ADCY5: variants seen among roughly 807,000 people sequenced by gnomAD.
The protein encoded by ADCY5 is adenylate cyclase 5.
In ADCY5, 30 loss-of-function variants were observed where a neutral mutation model predicts 119.7. That is an observed-to-expected ratio of 0.25 (90% CI 0.19 to 0.34). The LOEUF (loss-of-function observed/expected upper bound fraction) is 0.34. ADCY5 is among the 10% of genes least tolerant of loss of function. The pLI, the probability that ADCY5 is intolerant of heterozygous loss-of-function variation, is 1.00. For missense variants in ADCY5, 1,324 were observed against 1,775.2 expected, an observed-to-expected ratio of 0.75 and a Z score of 4.57; for synonymous variants, 753 against 762.2, an observed-to-expected ratio of 0.99 and a Z score of 0.20.
chr3:123,291,405 G>A, intron 17 of ADCY5, 29 bp from the exon 18 acceptor site: 1 of 1,591,730 alleles, frequency 6.3e-7, no homozygotes, highest in African/African-American at 1.3e-5. Context: ...AAGTCACCCA[G>A]ATGCCAATGT....
chr3:123,419,663 G>A (rs1252069167), intron 1 of ADCY5, among the ~76,000 whole-genome samples: 1 of 152,120 alleles, frequency 6.6e-6, no homozygotes, highest in Middle Eastern at 3.2e-3. Context: ...AAGACTCTGT[G>A]TACCCGGACA....
intron 14 of ADCY5, 55 bp downstream of exon 14, chr3:123,303,000 G>A (rs1005262819): frequency 6.3e-7 from 1 of 1,587,288 alleles, no homozygotes; most frequent in East Asian, 2.2e-5. Flanking sequence ...CAGTGACAGT[G>A]GGGGAGGGCA....
Position 123,289,840 on chromosome 3 carries a change from T to C in ADCY5, c.3442A>G (p.Ile1148Val), listed in dbSNP as rs759665352. 1.9e-5 allele frequency: 30 copies of C among 1,614,136 alleles called. No homozygotes were observed. Among genetic ancestry groups the C allele is most frequent in the Non-Finnish European group, 2.5e-5 (29 of 1,180,044 alleles). ...STYDKVGKTH[I>V]KALADFAMKL... is the part of the protein sequence containing the mutation. ...ATGGCAAAGTCGGCCAGTGCCTTGA[T>C]GTGGGTCTTGCCCACCTTGTCGTAG... is the stretch of plus-strand genomic sequence containing the variant. Residue 1148 changes from isoleucine (I) to valine (V), a missense_variant, in exon 19 of 21, where the codon ATC becomes GTC. Physicochemically the swap from Ile to Val is conservative, Grantham distance 29. This residue lies in a region of ADCY5 where 178 missense variants were observed against 329.6 expected (regional missense o/e 0.54). Transcript: ENST00000462833.
At chr3:123,345,099 G>A (rs1033565804) in intron 3 of ADCY5, among the ~76,000 whole-genome samples, 1 of 152,220 alleles carries the variant, frequency 6.6e-6, no homozygotes, top group Non-Finnish European at 1.5e-5. Context: ...CTGCCTCCAT[G>A]GGAGAGAGAC....
intron 1 of ADCY5, among the ~76,000 whole-genome samples, chr3:123,359,696 C>T (rs192236442): frequency 6.6e-6 from 1 of 152,298 alleles, no homozygotes; most frequent in African/African-American, 2.4e-5. Flanking sequence ...AACCAGCTCC[C>T]CAAGCTCTGG....
Position 123,332,444 on chromosome 3 carries a change from G to A in ADCY5, c.1518+120C>T, listed in dbSNP as rs1941808751. The A allele has an allele frequency of 9.4e-6, 7 of 742,292 alleles. No homozygotes were observed. In the South Asian group the frequency reaches 1.0e-4, roughly 11 times the overall value. 46.0% of individuals were successfully genotyped at this position (742,292 alleles called of 1,614,324 possible). A position where few individuals can be genotyped will look rare whatever the true frequency, so the allele number is the denominator to read the frequency against. On this transcript the variant is annotated intron_variant, in intron 4 of 20. Transcript: ENST00000462833. ...CCTCTGCCCATCACCAGCAGGCTCT[G>A]CTCAGCAGGATATACCCAGGCACAT...
chr3:123,320,814 CAG>C, intron 8 of ADCY5, 43 bp from the exon 9 acceptor site: 1 of 1,478,716 alleles, frequency 6.8e-7, no homozygotes, highest in Non-Finnish European at 9.4e-7. Context: ...AGAATGAGAA[CAG>C]AGAGAACTGA....
chr3:123,286,880 A>G lies in ADCY5; in HGVS notation c.3533-71T>C, dbSNP rs933145516. On this transcript the variant is annotated intron_variant, in intron 19 of 20. Coordinates refer to ENST00000462833, the MANE Select transcript of ADCY5 (RefSeq NM_183357.3). This position sits in a 1 kb window ranked among gnomAD's most constrained non-coding sequence, Gnocchi z 4.2. ...ACCTTGCCACCATCTGTCTCCCCAC[A>G]TGCTGCAGGTCCTTCTGACTCCCAA... The G allele has an allele frequency of 8.3e-5, 126 of 1,516,328 alleles. No individual in the cohort carries two copies. The African/African-American group carries it at 1.5e-3, about 18-fold the overall frequency. 93.9% of individuals were successfully genotyped at this position (1,516,328 alleles called of 1,614,324 possible).
intron 1 of ADCY5, among the ~76,000 whole-genome samples, chr3:123,366,299 G>C (rs745333862): frequency 1.6e-4 from 24 of 152,292 alleles, no homozygotes; most frequent in Admixed American, 6.5e-4. Flanking sequence ...CAGATCCCAG[G>C]TTACTTGCAG....
rs182012465 is a variant in ADCY5 at position 123,342,185 on chromosome 3, T to G, written c.1406+5597A>C. On this transcript the variant is annotated intron_variant, in intron 3 of 20. Coordinates refer to ENST00000462833, the MANE Select transcript of ADCY5 (RefSeq NM_183357.3). ...GTGGTCTGTTGGCTGAGGGTGTGAG[T>G]GGAAGGTAAACATTTTCCACCCTCT... is the stretch of plus-strand genomic sequence containing the variant. 3.5e-3 allele frequency among the ~76,000 whole-genome samples: 526 copies of G among 152,058 alleles called. 9 individuals carry two copies. Among genetic ancestry groups the G allele is most frequent in the African/African-American group, 0.012 (492 of 41,480 alleles).
At chr3:123,367,749 G>C (rs548817702) in intron 1 of ADCY5, among the ~76,000 whole-genome samples, 1 of 151,878 alleles carries the variant, frequency 6.6e-6, no homozygotes, top group Non-Finnish European at 1.5e-5. Context: ...AGCTTCCCTC[G>C]TGCCTTCCCC....
intron 3 of ADCY5, among the ~76,000 whole-genome samples, chr3:123,345,885 C>T (rs889424654): frequency 6.6e-6 from 1 of 152,188 alleles, no homozygotes; most frequent in South Asian, 2.1e-4. Flanking sequence ...CTTGGACACA[C>T]TCCTTTCTCC....
At chr3:123,294,406 G>A (rs1036358485) in intron 17 of ADCY5, among the ~76,000 whole-genome samples, 1 of 152,232 alleles carries the variant, frequency 6.6e-6, no homozygotes, top group African/African-American at 2.4e-5. Context: ...GGGAAAAGGG[G>A]ACATGACAGT....
rs1339034217 is a variant in ADCY5, at chr3:123,283,160, C to T, written c.*1448G>A. The T allele has an allele frequency of 6.6e-6, 1 of 152,176 alleles. No individual in the cohort carries two copies. Among genetic ancestry groups the T allele is most frequent in the Non-Finnish European group, 1.5e-5 (1 of 68,030 alleles). 9.4% of individuals were successfully genotyped at this position (152,176 alleles called of 1,614,324 possible). On this transcript the variant is annotated 3_prime_UTR_variant, in exon 21 of 21. Transcript: ENST00000462833. ...CCTTTCCGCAAACCTGAAGGCTGCA[C>T]ATTGCATCCCCCAGTCTGAGTGAAC... is the stretch of plus-strand genomic sequence containing the variant.
intron 1 of ADCY5, among the ~76,000 whole-genome samples, chr3:123,356,087 A>G (rs1036309307): frequency 6.6e-6 from 1 of 152,214 alleles, no homozygotes; most frequent in African/African-American, 2.4e-5. Flanking sequence ...GGAAAACTGG[A>G]TATCTACATG....
intron 1 of ADCY5, among the ~76,000 whole-genome samples, chr3:123,363,941 TACCC>T: frequency 6.6e-6 from 1 of 152,280 alleles, no homozygotes; most frequent in East Asian, 1.9e-4. Flanking sequence ...TGGTGCTCAA[TACCC>T]TGGAATATCT....
intron 2 of ADCY5, among the ~76,000 whole-genome samples, chr3:123,349,995 T>TTCC (rs577336503): frequency 3.9e-5 from 6 of 152,210 alleles, no homozygotes; most frequent in Non-Finnish European, 8.8e-5. Flanking sequence ...CTCCCTGCCC[T>TTCC]TCCACCTGCT....
At chr3:123,416,255 T>C in intron 1 of ADCY5, 19 of 1,536,124 alleles carry the variant, frequency 1.2e-5, no homozygotes, top group Non-Finnish European at 1.7e-5. Context: ...CAGCCCTCTT[T>C]CTGAGACTTC....
intron 1 of ADCY5, among the ~76,000 whole-genome samples, chr3:123,387,480 C>A (rs1472882077): frequency 6.6e-6 from 1 of 152,134 alleles, no homozygotes. Context: ...ATCAGCACAG[C>A]AGGAGGCTGG....
Sources: gnomAD v4.1 joint callset for allele counts (sites outside exome capture counted in the v4.1 genomes callset) on GRCh38, gnomAD v4.1.1 for gene constraint, gnomAD v4.1.1 regional missense constraint, Gnocchi (gnomAD v3.1) non-coding constraint, MANE v1.5 for transcripts, NCBI Gene and HGNC (gene_info 2026-07-23, HGNC 2026-07-21) for gene names.